RGS7: variants seen among roughly 807,000 people sequenced by gnomAD.
RGS7 encodes regulator of G protein signaling 7.
RGS7 carries 27 observed loss-of-function variants against 81.1 expected under a neutral mutation model. The ratio of observed to expected loss-of-function variants is 0.33; its 90% CI spans 0.25 to 0.46. The LOEUF (loss-of-function observed/expected upper bound fraction) is 0.46, where lower values mean the gene tolerates loss of function less well. RGS7 is among the 20% of genes least tolerant of loss of function. The pLI is 1.00. For synonymous variants in RGS7, 208 were observed against 207.7 expected, an observed-to-expected ratio of 1.00 and a Z score of -0.01; for missense variants, 396 against 607.4, an observed-to-expected ratio of 0.65 and a Z score of 3.66.
chr1:241,039,224 A>T (rs1028078777), intron 3 of RGS7, among the ~76,000 whole-genome samples: 3 of 152,162 alleles, frequency 2.0e-5, no homozygotes, highest in African/African-American at 7.2e-5. Flanking sequence ...CCCATTCTTC[A>T]CTTTTCCTAA....
At position 241,154,099 on chromosome 1, in the gene RGS7, C is replaced by A. The variant is rs73129654; in HGVS notation, c.79-55337G>T. On this transcript the variant is annotated intron_variant, in intron 2 of 18. Transcript: ENST00000440928. ...ACAGACATGTGTCCTGTTTTTGTGG[C>A]GAGATTCTAGTGGTGAAGTTAGACA... 5.7e-3 allele frequency among the ~76,000 whole-genome samples: 870 copies of A among 152,038 alleles called. 7 individuals carry two copies. Among genetic ancestry groups the A allele is most frequent in the African/African-American group, 0.019 (806 of 41,482 alleles).
rs767454042 is a variant in RGS7 at position 240,906,593 on chromosome 1, G to T, written c.385+24124C>A. ...CCTCCCTCTGGGGAATCCAACCTGTGGTATAGCACTGGACCTGGACAAATA... is the reference window on the plus strand; with the variant it reads ...CCTCCCTCTGGGGAATCCAACCTGTTGTATAGCACTGGACCTGGACAAATA... On this transcript the variant is annotated intron_variant, in intron 6 of 18. Coordinates refer to ENST00000440928, the MANE Select transcript of RGS7 (RefSeq NM_001364886.1). Among the ~76,000 whole-genome samples the T allele has an allele frequency of 2.8e-4, 42 of 152,202 alleles. 1 individual carries two copies. Among genetic ancestry groups the T allele is most frequent in the Non-Finnish European group, 1.8e-4 (12 of 68,038 alleles).
chr1:240,991,968 G>A (rs950642108), intron 3 of RGS7, among the ~76,000 whole-genome samples: 3 of 152,086 alleles, frequency 2.0e-5, no homozygotes, highest in Admixed American at 2.0e-4. Flanking sequence ...TTTATTGATC[G>A]ATAAATTAAA....
chr1:240,898,377 G>A (rs574205142), intron 6 of RGS7, among the ~76,000 whole-genome samples: 23 of 151,990 alleles, frequency 1.5e-4, no homozygotes, highest in African/African-American at 4.6e-4. Context: ...GTGATGTTAC[G>A]GTGTCAATTT....
At chr1:240,933,393 C>T (rs146319323) in intron 5 of RGS7, among the ~76,000 whole-genome samples, 60 of 152,078 alleles carry the variant, frequency 3.9e-4, no homozygotes, top group African/African-American at 1.4e-3. Flanking sequence ...TATTTTTCTT[C>T]ATTCTCCATC....
rs11274117 is a variant in RGS7 at position 241,235,909 on chromosome 1, T to TGAGAGAGAAAGA, written c.78+119789_78+119790insTCTTTCTCTCTC. Among the ~76,000 whole-genome samples the TGAGAGAGAAAGA allele has an allele frequency of 3.2e-3, 441 of 137,978 alleles. 9 individuals are homozygous for TGAGAGAGAAAGA. Among genetic ancestry groups the TGAGAGAGAAAGA allele is most frequent in the East Asian group, 0.011 (56 of 4,992 alleles). 90.5% of individuals were successfully genotyped at this position (137,978 alleles called of 152,430 possible). A position where few individuals can be genotyped will look rare whatever the true frequency, so the allele number is the denominator to read the frequency against. The stretch of plus-strand genomic sequence containing the variant: ...GGGTGAACCCCTAGGAGATGCACTT[T>TGAGAGAGAAAGA]GAGAGAGAGAGAGAGAGAGAGAGAA... On this transcript the variant is annotated intron_variant, in intron 2 of 18. Coordinates refer to ENST00000440928, the MANE Select transcript of RGS7 (RefSeq NM_001364886.1).
intron 2 of RGS7, among the ~76,000 whole-genome samples, chr1:241,263,946 C>T (rs1162785940): frequency 6.6e-6 from 1 of 152,064 alleles, no homozygotes; most frequent in Non-Finnish European, 1.5e-5. Flanking sequence ...AAATAAATGG[C>T]GCCTCTGTGG....
intron 2 of RGS7, among the ~76,000 whole-genome samples, chr1:241,314,980 A>G (rs1483218442): frequency 6.6e-6 from 1 of 152,148 alleles, no homozygotes; most frequent in Non-Finnish European, 1.5e-5. Context: ...GATATATTTT[A>G]AAGTTAGAGC....
chr1:241,198,650 G>A (rs2073260771), intron 2 of RGS7, among the ~76,000 whole-genome samples: 1 of 152,016 alleles, frequency 6.6e-6, no homozygotes, highest in African/African-American at 2.4e-5. Context: ...CTAAAAATAT[G>A]AATATTTCTA....
chr1:240,930,669 C>T (rs913524410), intron 6 of RGS7, 48 bp downstream of exon 6: 15 of 1,544,904 alleles, frequency 9.7e-6, no homozygotes, highest in South Asian at 4.5e-5. Context: ...ACACATCCAT[C>T]TACACATACA....
chr1:241,267,643 C>G (rs541430379), intron 2 of RGS7, among the ~76,000 whole-genome samples: 1 of 152,260 alleles, frequency 6.6e-6, no homozygotes, highest in Admixed American at 6.5e-5. Context: ...CCCCCATTTT[C>G]ACATCTTTTC....
At chr1:240,975,817 A>G (rs1235009840) in intron 4 of RGS7, among the ~76,000 whole-genome samples, 1 of 152,286 alleles carries the variant, frequency 6.6e-6, no homozygotes, top group East Asian at 1.9e-4. Context: ...AGTAGGACTT[A>G]TCACAGAAGG....
At chr1:241,101,283 G>A (rs1371028433) in intron 2 of RGS7, among the ~76,000 whole-genome samples, 1 of 152,096 alleles carries the variant, frequency 6.6e-6, no homozygotes. Context: ...ATCACCTGAG[G>A]TCAAGAGTTC....
At chr1:241,055,813 A>G (rs1558654177) in intron 3 of RGS7, among the ~76,000 whole-genome samples, 1 of 152,138 alleles carries the variant, frequency 6.6e-6, no homozygotes, top group Non-Finnish European at 1.5e-5. Flanking sequence ...ACCAGCCCCC[A>G]TCCTGAGGCT....
intron 2 of RGS7, among the ~76,000 whole-genome samples, chr1:241,289,235 T>A (rs981418251): frequency 1.3e-5 from 2 of 152,134 alleles, no homozygotes; most frequent in African/African-American, 4.8e-5. Flanking sequence ...TGTCCAACAC[T>A]CTCTCTTCTT....
At chr1:241,228,488 A>G (rs977792394) in intron 2 of RGS7, among the ~76,000 whole-genome samples, 5 of 152,230 alleles carry the variant, frequency 3.3e-5, no homozygotes, top group African/African-American at 1.2e-4. Flanking sequence ...ATGGGCATTG[A>G]GCCCGCTGAA....
intron 2 of RGS7, among the ~76,000 whole-genome samples, chr1:241,115,209 G>C (rs2065806178): frequency 6.6e-6 from 1 of 152,076 alleles, no homozygotes; most frequent in South Asian, 2.1e-4. Flanking sequence ...TCTATTTTCT[G>C]ATGGCCATTC....
At chr1:240,907,863 G>C (rs981663453) in intron 6 of RGS7, among the ~76,000 whole-genome samples, 3 of 152,110 alleles carry the variant, frequency 2.0e-5, no homozygotes, top group Non-Finnish European at 2.9e-5. Flanking sequence ...CGCTAGACTT[G>C]AGAGAATGGA....
chr1:241,238,139 T>C (rs2076078208), intron 2 of RGS7, among the ~76,000 whole-genome samples: 1 of 152,146 alleles, frequency 6.6e-6, no homozygotes, highest in Non-Finnish European at 1.5e-5. Flanking sequence ...TGCAAAGTGC[T>C]GTGAGGAAGT....
Sources: allele counts gnomAD v4.1 joint callset (sites outside exome capture counted in the v4.1 genomes callset), GRCh38; gene constraint gnomAD v4.1.1; transcripts MANE v1.5; gene names NCBI Gene and HGNC (gene_info 2026-07-23, HGNC 2026-07-21).